The following ASIC2 variants were observed in gnomAD, a reference collection of about 807,000 sequenced individuals.
ASIC2 encodes the protein acid sensing ion channel subunit 2, also known as acid-sensing ion channel 2.
ASIC2 carries 25 observed loss-of-function variants against 57.3 expected under a neutral mutation model. That is an observed-to-expected ratio of 0.44 (90% CI 0.32 to 0.61). The LOEUF is 0.61. Among genes scored for constraint, ASIC2 ranks in the 20% least tolerant of loss-of-function variants. The pLI is 0.06. For missense variants in ASIC2, 641 were observed against 738.1 expected, an observed-to-expected ratio of 0.87 and a Z score of 1.52; for synonymous variants, 319 against 307.5, an observed-to-expected ratio of 1.04 and a Z score of -0.39.
intron 1 of ASIC2, among the ~76,000 whole-genome samples, chr17:34,100,151 T>C (rs1333090422): frequency 6.6e-6 from 1 of 150,844 alleles, no homozygotes; most frequent in Non-Finnish European, 1.5e-5. Context: ...ATGTGTAACA[T>C]TACCTTAATT....
intron 1 of ASIC2, among the ~76,000 whole-genome samples, chr17:33,353,996 T>G (rs1279469329): frequency 6.6e-6 from 1 of 152,122 alleles, no homozygotes; most frequent in African/African-American, 2.4e-5. Context: ...AGGCCTCACA[T>G]TCATGTTGGA....
chr17:33,162,771 G>A (rs540423514), intron 1 of ASIC2, among the ~76,000 whole-genome samples: 2 of 152,318 alleles, frequency 1.3e-5, no homozygotes, highest in African/African-American at 4.8e-5. Context: ...AAAGGTGAGT[G>A]GAGTAGGTAG....
At chr17:33,727,357 A>G (rs1337148911) in intron 1 of ASIC2, among the ~76,000 whole-genome samples, 1 of 152,216 alleles carries the variant, frequency 6.6e-6, no homozygotes, top group Non-Finnish European at 1.5e-5. Context: ...TTTTACAACA[A>G]CAGCTATCAG....
intron 1 of ASIC2, among the ~76,000 whole-genome samples, chr17:33,799,430 CTTTCT>C (rs1567719047): frequency 9.7e-4 from 15 of 15,386 alleles, no homozygotes; most frequent in African/African-American, 2.2e-3. Context: ...TTTCTTTCTT[CTTTCT>C]TTCTTTCTTT....
chr17:33,372,639 C>T (rs1567839492), intron 1 of ASIC2, among the ~76,000 whole-genome samples: 1 of 152,160 alleles, frequency 6.6e-6, no homozygotes, highest in African/African-American at 2.4e-5. Context: ...CTCCCACCTC[C>T]CACACTCTGG....
At chr17:33,496,533 C>T (rs1295836474) in intron 1 of ASIC2, among the ~76,000 whole-genome samples, 1 of 151,404 alleles carries the variant, frequency 6.6e-6, no homozygotes, top group Non-Finnish European at 1.5e-5. Flanking sequence ...AATGCCCTCA[C>T]CTTCTGAGCA....
intron 1 of ASIC2, among the ~76,000 whole-genome samples, chr17:33,738,203 C>T (rs982354815): frequency 6.6e-6 from 1 of 152,144 alleles, no homozygotes; most frequent in Non-Finnish European, 1.5e-5. Context: ...TCCATATTGC[C>T]ACCCAAAGCA....
At chr17:33,405,469 T>C (rs1910436956) in intron 1 of ASIC2, among the ~76,000 whole-genome samples, 1 of 148,320 alleles carries the variant, frequency 6.7e-6, no homozygotes, top group Non-Finnish European at 1.5e-5. Flanking sequence ...TTTCTTTCTT[T>C]CTTTTTCTTT....
At chr17:33,599,279 T>TA (rs755558708) in intron 1 of ASIC2, among the ~76,000 whole-genome samples, 13 of 152,192 alleles carry the variant, frequency 8.5e-5, no homozygotes, top group Non-Finnish European at 1.9e-4. Context: ...GAACAAAAGA[T>TA]ACCTCTTGCC....
intron 1 of ASIC2, among the ~76,000 whole-genome samples, chr17:33,244,816 G>A (rs1354341375): frequency 6.6e-6 from 1 of 152,202 alleles, no homozygotes; most frequent in Non-Finnish European, 1.5e-5. Context: ...AGGCGAGAAT[G>A]CAGAGGAATG....
intron 1 of ASIC2, among the ~76,000 whole-genome samples, chr17:34,138,164 C>T (rs1912175787): frequency 6.6e-6 from 1 of 152,098 alleles, no homozygotes; most frequent in African/African-American, 2.4e-5. Context: ...AGCTGTGAGA[C>T]CTTGTCAATT....
At chr17:33,201,508 T>C (rs956027920) in intron 1 of ASIC2, among the ~76,000 whole-genome samples, 2 of 152,198 alleles carry the variant, frequency 1.3e-5, no homozygotes, top group Non-Finnish European at 2.9e-5. Context: ...CATGGCAACA[T>C]CTAAACGTTA....
At chr17:33,957,602 A>G (rs1045917899) in intron 1 of ASIC2, among the ~76,000 whole-genome samples, 2 of 152,152 alleles carry the variant, frequency 1.3e-5, no homozygotes, top group Non-Finnish European at 2.9e-5. Context: ...ATTCTCTATC[A>G]TGAGAATAGC....
At chr17:33,346,165 T>C (rs1365513723) in intron 1 of ASIC2, among the ~76,000 whole-genome samples, 2 of 132,832 alleles carry the variant, frequency 1.5e-5, no homozygotes, top group Admixed American at 1.9e-4. Context: ...AGGCGGAGGT[T>C]GCAATGAACC....
At chr17:33,448,380 A>G (rs536670946) in intron 1 of ASIC2, among the ~76,000 whole-genome samples, 1 of 152,264 alleles carries the variant, frequency 6.6e-6, no homozygotes, top group South Asian at 2.1e-4. Context: ...GTTACTTTAT[A>G]TGGGAAAGAT....
chr17:33,666,046 C>T (rs1056699418), intron 1 of ASIC2, among the ~76,000 whole-genome samples: 32 of 152,148 alleles, frequency 2.1e-4, no homozygotes, highest in Admixed American at 5.9e-4. Context: ...TGGCACCCGA[C>T]GTGAGAATGG....
intron 1 of ASIC2, among the ~76,000 whole-genome samples, chr17:33,156,214 G>A (rs113351607): frequency 0.081 from 12,232 of 150,984 alleles, 538 homozygotes; most frequent in Middle Eastern, 0.09. Flanking sequence ...TGCAACCTCC[G>A]CCCTGCCAGT....
At chr17:33,826,980 A>T (rs11080239) in intron 1 of ASIC2, among the ~76,000 whole-genome samples, 71,217 of 152,014 alleles carry the variant, frequency 0.47, 18,786 homozygotes, top group Non-Finnish European at 0.62. Flanking sequence ...AGAAGTCTTT[A>T]TGAAGGGGTT....
intron 1 of ASIC2, among the ~76,000 whole-genome samples, chr17:33,412,233 G>A (rs939066489): frequency 3.3e-5 from 5 of 152,192 alleles, no homozygotes; most frequent in African/African-American, 1.2e-4. Flanking sequence ...TGACTGCCCA[G>A]CACAACTGTC....
Sources: gnomAD v4.1 joint callset for allele counts (sites outside exome capture counted in the v4.1 genomes callset) on GRCh38, gnomAD v4.1.1 for gene constraint, MANE v1.5 for transcripts, NCBI Gene and HGNC (gene_info 2026-07-23, HGNC 2026-07-21) for gene names.